GNB1: variants seen among roughly 807,000 people sequenced by gnomAD.
GNB1 encodes the protein guanine nucleotide-binding protein G(I)/G(S)/G(T) subunit beta-1.
Under a neutral mutation model 42.9 loss-of-function variants are expected in GNB1, and 2 were observed. The ratio of observed to expected loss-of-function variants is 0.05; its 90% CI spans 0.02 to 0.15. The LOEUF (loss-of-function observed/expected upper bound fraction) is 0.15, where lower values mean the gene tolerates loss of function less well. Among genes scored for constraint, GNB1 ranks in the 10% least tolerant of loss-of-function variants. GNB1 has a pLI of 1.00. For synonymous variants in GNB1, 183 were observed against 174.7 expected, an observed-to-expected ratio of 1.05 and a Z score of -0.38; for missense variants, 193 against 462.2, an observed-to-expected ratio of 0.42 and a Z score of 5.34.
At chr1:1,867,984 G>T (rs192595746) in intron 1 of GNB1, among the ~76,000 whole-genome samples, 1 of 151,972 alleles carries the variant, frequency 6.6e-6, no homozygotes, top group African/African-American at 2.4e-5. Context: ...ACTAGGAAAC[G>T]TTCCCCCTTT....
At chr1:1,797,551 C>A (rs143440612) in intron 7 of GNB1, among the ~76,000 whole-genome samples, 1,542 of 152,242 alleles carry the variant, frequency 0.01, 24 homozygotes, top group African/African-American at 0.034. Context: ...ACTTCTCCTG[C>A]TTCAGCCTCC....
intron 3 of GNB1, among the ~76,000 whole-genome samples, chr1:1,822,886 A>C (rs1241245182): frequency 6.6e-6 from 1 of 152,182 alleles, no homozygotes; most frequent in Non-Finnish European, 1.5e-5. Flanking sequence ...CAGAAAAACA[A>C]AATTTCTTCA....
chr1:1,802,756 T>TC (rs1371515344), intron 7 of GNB1, among the ~76,000 whole-genome samples: 4 of 138,620 alleles, frequency 2.9e-5, no homozygotes, highest in Non-Finnish European at 4.6e-5. Context: ...AGAGCAGGAC[T>TC]CCATCTTAAA....
Position 1,815,848 on chromosome 1 carries a change from G to A in GNB1, c.111C>T (p.Ile37=), listed in dbSNP as rs754777749. ...GCATTTGGATTCTTCCCACTGGGTCGATGTTGTTTGTGATCTTGAAAATAA... is the reference window on the plus strand; with the variant it reads ...GCATTTGGATTCTTCCCACTGGGTCAATGTTGTTTGTGATCTTGAAAATAA... ...DATLSQITNN[I]DPVGRIQMRT... The change falls in exon 5 of 12, where the codon ATC becomes ATT. Residue 37 remains isoleucine (I), a synonymous_variant. Coordinates refer to ENST00000378609, the MANE Select transcript of GNB1 (RefSeq NM_002074.5). 8.1e-6 allele frequency: 13 copies of A among 1,595,438 alleles called. No individual in the cohort carries two copies. The highest frequency in any genetic ancestry group is 1.3e-5 in the African/African-American group (1 of 74,584).
intron 2 of GNB1, among the ~76,000 whole-genome samples, chr1:1,826,077 T>C (rs1323118582): frequency 6.6e-6 from 1 of 152,172 alleles, no homozygotes; most frequent in Non-Finnish European, 1.5e-5. Context: ...CTGTTAAGCA[T>C]TTTTCATAAA....
At position 1,890,924 on chromosome 1, in the gene GNB1, G is replaced by A. The variant is rs1416772009; in HGVS notation, c.-200C>T. On this transcript the variant is annotated 5_prime_UTR_variant, in exon 1 of 12. Transcript: ENST00000378609. ...GCTGCGCGCTCCGCGGGCGCTGCGGGCAGGTGCGCGCCGGCGAGGCTCGGT... is the reference window on the plus strand; with the variant it reads ...GCTGCGCGCTCCGCGGGCGCTGCGGACAGGTGCGCGCCGGCGAGGCTCGGT... 2 of 147,084 alleles carry A rather than the reference G, an allele frequency of 1.4e-5. No homozygotes were observed. The highest frequency in any genetic ancestry group is 4.9e-5 in the African/African-American group (2 of 40,748). 9.1% of individuals were successfully genotyped at this position (147,084 alleles called of 1,614,324 possible).
chr1:1,801,817 C>T (rs189550986), intron 7 of GNB1, among the ~76,000 whole-genome samples: 5 of 152,160 alleles, frequency 3.3e-5, no homozygotes, highest in South Asian at 2.1e-4. Context: ...ATTCCAAAGG[C>T]GGGCAGAAAA....
At chr1:1,873,813 A>G (rs1033301902) in intron 1 of GNB1, among the ~76,000 whole-genome samples, 2 of 152,052 alleles carry the variant, frequency 1.3e-5, no homozygotes, top group African/African-American at 4.8e-5. Context: ...GCAAGACTCC[A>G]TCTTAAATAA....
At chr1:1,876,335 T>C (rs2101832659) in intron 1 of GNB1, among the ~76,000 whole-genome samples, 1 of 152,196 alleles carries the variant, frequency 6.6e-6, no homozygotes, top group Non-Finnish European at 1.5e-5. Context: ...GAGACAGGGC[T>C]GGAGTGCAGT....
chr1:1,881,115 G>A (rs1649822584), intron 1 of GNB1, among the ~76,000 whole-genome samples: 1 of 152,142 alleles, frequency 6.6e-6, no homozygotes, highest in Non-Finnish European at 1.5e-5. Flanking sequence ...GAAAGCCTCA[G>A]AGACTCCTCA....
intron 1 of GNB1, among the ~76,000 whole-genome samples, chr1:1,886,659 C>G (rs562646860): frequency 7.2e-5 from 11 of 152,236 alleles, no homozygotes; most frequent in Non-Finnish European, 1.5e-4. Context: ...TCCAACCACT[C>G]TTAACAAATG....
chr1:1,862,946 T>C (rs1389889291), intron 1 of GNB1, among the ~76,000 whole-genome samples: 2 of 152,098 alleles, frequency 1.3e-5, no homozygotes, highest in African/African-American at 2.4e-5. Flanking sequence ...ATAACTGCCA[T>C]ACACACACAA....
intron 1 of GNB1, among the ~76,000 whole-genome samples, chr1:1,884,110 C>T (rs1383752191): frequency 1.3e-5 from 2 of 151,546 alleles, no homozygotes; most frequent in Non-Finnish European, 2.9e-5. Context: ...AGATTACAGG[C>T]ATGTGCCACC....
At chr1:1,794,907 C>G (rs1363427428) in intron 7 of GNB1, among the ~76,000 whole-genome samples, 4 of 152,236 alleles carry the variant, frequency 2.6e-5, no homozygotes, top group South Asian at 2.1e-4. Flanking sequence ...TCAGGATGGT[C>G]TTGATCTCTT....
At chr1:1,860,640 CAAA>C (rs1367327181) in intron 1 of GNB1, among the ~76,000 whole-genome samples, 5 of 72,846 alleles carry the variant, frequency 6.9e-5, no homozygotes, top group Non-Finnish European at 8.8e-5. Context: ...CCATCTCCAA[CAAA>C]AAAAAAAAAA....
chr1:1,846,087 A>T (rs2101383001), intron 1 of GNB1, among the ~76,000 whole-genome samples: 1 of 152,266 alleles, frequency 6.6e-6, no homozygotes, highest in South Asian at 2.1e-4. Context: ...AAAACACACC[A>T]GCTTGAAGGA....
chr1:1,846,091 TG>T (rs1647646054), intron 1 of GNB1, among the ~76,000 whole-genome samples: 2 of 151,992 alleles, frequency 1.3e-5, no homozygotes, highest in South Asian at 4.2e-4. Flanking sequence ...CACACCAGCT[TG>T]AAGGAAGTCT....
At chr1:1,797,824 G>C (rs1183045724) in intron 7 of GNB1, among the ~76,000 whole-genome samples, 2 of 152,198 alleles carry the variant, frequency 1.3e-5, no homozygotes, top group Non-Finnish European at 2.9e-5. Flanking sequence ...TGGGAGCAGG[G>C]GCAAGGAGAC....
intron 1 of GNB1, among the ~76,000 whole-genome samples, chr1:1,844,419 A>G (rs1422156217): frequency 1.3e-5 from 2 of 151,072 alleles, no homozygotes; most frequent in African/African-American, 4.9e-5. Flanking sequence ...AAAGATGGGC[A>G]CTTTTTCAAG....
Sources: gnomAD v4.1 joint callset for allele counts (sites outside exome capture counted in the v4.1 genomes callset) on GRCh38, gnomAD v4.1.1 for gene constraint, MANE v1.5 for transcripts, NCBI Gene and HGNC (gene_info 2026-07-23, HGNC 2026-07-21) for gene names.